Variants in SEMA3A observed in about 807,000 individuals in gnomAD.
SEMA3A encodes semaphorin-3A.
A neutral mutation model predicts 97.9 loss-of-function variants in SEMA3A; 29 were observed. The observed-to-expected ratio is 0.30, with a 90% CI of 0.22 to 0.40. The LOEUF is 0.40. Ranked by LOEUF, SEMA3A falls within the 10% of genes least tolerant of loss-of-function variation. The pLI, the probability that SEMA3A is intolerant of heterozygous loss-of-function variation, is 1.00. For missense variants in SEMA3A, 763 were observed against 951.3 expected (o/e 0.80, Z 2.60); for synonymous variants, 321 against 323.7 (o/e 0.99, Z 0.09).
chr7:84,324,427 T>C (rs1033843498), intron 2 of SEMA3A, among the ~76,000 whole-genome samples: 2 of 152,174 alleles, frequency 1.3e-5, no homozygotes, highest in Non-Finnish European at 2.9e-5. Context: ...TAATGCTGAA[T>C]TGGCTTTGGA....
chr7:84,403,932 C>G (rs1397913422), intron 1 of SEMA3A, among the ~76,000 whole-genome samples: 1 of 152,102 alleles, frequency 6.6e-6, no homozygotes, highest in African/African-American at 2.4e-5. Context: ...GATAAAACCA[C>G]AAAGATGGGG....
chr7:84,304,647 A>G (rs1801107827), intron 3 of SEMA3A, among the ~76,000 whole-genome samples: 1 of 152,112 alleles, frequency 6.6e-6, no homozygotes. Context: ...GAAATTAGGT[A>G]GAATAATTTT....
upstream of SEMA3A, among the ~76,000 whole-genome samples, chr7:84,199,885 G>A (rs926254147): frequency 1.3e-5 from 2 of 152,088 alleles, no homozygotes; most frequent in African/African-American, 4.8e-5. Context: ...GAAACCGGGG[G>A]TGGCAGGTTA....
chr7:84,093,979 C>T (rs1794671122), intron 4 of SEMA3A, among the ~76,000 whole-genome samples: 1 of 151,288 alleles, frequency 6.6e-6, no homozygotes, highest in South Asian at 2.1e-4. Context: ...AACCAAAGGC[C>T]AATTTCTACA....
At chr7:84,447,330 CGG>C (rs1554389082) in intron 1 of SEMA3A, among the ~76,000 whole-genome samples, 1 of 152,096 alleles carries the variant, frequency 6.6e-6, no homozygotes, top group Non-Finnish European at 1.5e-5. Flanking sequence ...GGCTCCTGGG[CGG>C]AGAGACGGTC....
At chr7:84,137,689 T>TAAAAAAAAA (rs58880773) in intron 1 of SEMA3A, among the ~76,000 whole-genome samples, 1 of 85,276 alleles carries the variant, frequency 1.2e-5, no homozygotes, top group Non-Finnish European at 2.3e-5. Context: ...GGCCAAACTT[T>TAAAAAAAAA]AAAAAAAAAA....
chr7:84,281,058 T>A (rs966058858), intron 3 of SEMA3A, among the ~76,000 whole-genome samples: 3 of 152,214 alleles, frequency 2.0e-5, no homozygotes, highest in African/African-American at 7.2e-5. Context: ...ATGTATAATT[T>A]CATTTTGAAT....
At chr7:84,425,338 T>C (rs889020756) in intron 1 of SEMA3A, among the ~76,000 whole-genome samples, 1 of 86,344 alleles carries the variant, frequency 1.2e-5, no homozygotes, top group Non-Finnish European at 2.5e-5. Context: ...AAATATAATA[T>C]ATTGATATAA....
At chr7:84,316,813 G>A (rs956679906) in intron 2 of SEMA3A, among the ~76,000 whole-genome samples, 9 of 152,070 alleles carry the variant, frequency 5.9e-5, no homozygotes, top group African/African-American at 2.2e-4. Context: ...AGGTTGCGGG[G>A]CGCCCACAAT....
At chr7:84,154,279 A>G (rs926154544) in intron 1 of SEMA3A, among the ~76,000 whole-genome samples, 1 of 152,142 alleles carries the variant, frequency 6.6e-6, no homozygotes, top group Non-Finnish European at 1.5e-5. Context: ...TTGGGGGAAA[A>G]TAGTTTGGTG....
At chr7:84,018,943 TA>T (rs1156260672) in intron 6 of SEMA3A, among the ~76,000 whole-genome samples, 5 of 151,588 alleles carry the variant, frequency 3.3e-5, no homozygotes, top group African/African-American at 1.2e-4. Context: ...AAAACAACAA[TA>T]AAAAACAATT....
At chr7:84,311,246 G>A (rs913903616) in intron 2 of SEMA3A, among the ~76,000 whole-genome samples, 1 of 151,806 alleles carries the variant, frequency 6.6e-6, no homozygotes, top group Non-Finnish European at 1.5e-5. Flanking sequence ...TTTTTTAGTT[G>A]CTTCCATATC....
chr7:84,117,205 T>C (rs1437038275), intron 3 of SEMA3A, among the ~76,000 whole-genome samples: 1 of 152,206 alleles, frequency 6.6e-6, no homozygotes, highest in African/African-American at 2.4e-5. Flanking sequence ...TATCAACTTG[T>C]AGAAATAATT....
chr7:84,456,776 T>C (rs756567867), intron 1 of SEMA3A, among the ~76,000 whole-genome samples: 46 of 151,818 alleles, frequency 3.0e-4, no homozygotes, highest in Non-Finnish European at 6.3e-4. Flanking sequence ...CAGTGCTTTG[T>C]AGGGGTACAC....
At chr7:84,197,023 G>A (rs34998443), upstream of SEMA3A, among the ~76,000 whole-genome samples, 9,559 of 152,086 alleles carry the variant, frequency 0.063, 349 homozygotes, top group African/African-American at 0.092. Flanking sequence ...AAGGCTGTAA[G>A]TAAATTTAGA....
chr7:84,307,125 A>G (rs1279993181), intron 3 of SEMA3A: 1 of 152,144 alleles, frequency 6.6e-6, no homozygotes, highest in Non-Finnish European at 1.5e-5. Context: ...TATAAATTAT[A>G]TGCCACAGAA....
At chr7:84,428,336 A>T (rs1163574697) in intron 1 of SEMA3A, among the ~76,000 whole-genome samples, 1 of 151,982 alleles carries the variant, frequency 6.6e-6, no homozygotes, top group Non-Finnish European at 1.5e-5. Context: ...CGTAAATATA[A>T]TTTTTTCTCC....
intron 1 of SEMA3A, among the ~76,000 whole-genome samples, chr7:84,154,630 C>G (rs1042522599): frequency 6.8e-6 from 1 of 146,216 alleles, no homozygotes; most frequent in Non-Finnish European, 1.5e-5. Flanking sequence ...GAGCCAAGAT[C>G]GCGCCACTGC....
intron 2 of SEMA3A, among the ~76,000 whole-genome samples, chr7:84,360,995 A>C (rs1184620162): frequency 2.0e-5 from 3 of 152,218 alleles, no homozygotes; most frequent in Admixed American, 2.0e-4. Flanking sequence ...TGTTATTTTA[A>C]AAACTATGTT....
Sources: allele counts gnomAD v4.1 joint callset (sites outside exome capture counted in the v4.1 genomes callset), GRCh38; gene constraint gnomAD v4.1.1; transcripts MANE v1.5; gene names NCBI Gene and HGNC (gene_info 2026-07-23, HGNC 2026-07-21).